The following SLC28A2 variants were observed in gnomAD, a reference collection of about 807,000 sequenced individuals.
SLC28A2 encodes solute carrier family 28 member 2, also known as sodium/nucleoside cotransporter 2.
In SLC28A2, 69 loss-of-function variants were observed where a neutral mutation model predicts 72.9. That is an observed-to-expected ratio of 0.95 (90% confidence interval 0.78 to 1.16). SLC28A2 has a LOEUF of 1.16. SLC28A2 is among the 50% of genes most tolerant of loss of function. The pLI, the probability that SLC28A2 is intolerant of heterozygous loss-of-function variation, is 0.00. For missense variants in SLC28A2, 745 were observed against 791.1 expected (o/e 0.94, Z 0.70); for synonymous variants, 296 against 294.1 (o/e 1.01, Z -0.07).
At chr15:45,271,531 C>T (rs936962442) in intron 15 of SLC28A2, among the ~76,000 whole-genome samples, 4 of 147,670 alleles carry the variant, frequency 2.7e-5, no homozygotes, top group South Asian at 4.3e-4. Flanking sequence ...CACTGCACTC[C>T]GGCATGGGTG....
chr15:45,267,833 A>T (rs1367202144), intron 12 of SLC28A2, 37 bp downstream of exon 12: 1 of 1,612,176 alleles, frequency 6.2e-7, no homozygotes, highest in East Asian at 2.2e-5. Flanking sequence ...GGAGATGGTG[A>T]GCTGTAGTTA....
At chr15:45,264,842 A>T (rs1900283844) in intron 7 of SLC28A2, 74 bp downstream of exon 7, 2 of 934,786 alleles carry the variant, frequency 2.1e-6, no homozygotes, top group Non-Finnish European at 3.5e-6. Context: ...GAGCATGAGA[A>T]GATTAGGCTG....
At position 45,275,777 on chromosome 15, in the gene SLC28A2, T is replaced by C. The variant is rs1595685829; in HGVS notation, c.*264T>C. 4.3e-6 allele frequency: 1 copy of C among 235,074 alleles called. No homozygotes were observed. The highest frequency in any genetic ancestry group is 9.5e-5 in the East Asian group (1 of 10,496). The allele number at this position is 235,074 out of a possible 1,614,324, so 14.6% of individuals were successfully genotyped here. On this transcript the variant is annotated 3_prime_UTR_variant, in exon 18 of 18. Coordinates refer to ENST00000347644, the MANE Select transcript of SLC28A2 (RefSeq NM_004212.4). Reference sequence around the variant, plus strand: ...AGTGAAACCCCGTCTCTACTAAAAATACAAAAAATTAGCCGGGAGTGGTGT... The same window carrying C: ...AGTGAAACCCCGTCTCTACTAAAAACACAAAAAATTAGCCGGGAGTGGTGT...
At chr15:45,272,481 A>G in intron 16 of SLC28A2, 88 bp downstream of exon 16, 2 of 1,049,750 alleles carry the variant, frequency 1.9e-6, no homozygotes, top group Non-Finnish European at 2.9e-6. Flanking sequence ...GTCCTTGAGT[A>G]CAGGGGCAAC....
In SLC28A2 at chr15:45,276,510, A is replaced by G; in HGVS notation, c.*997A>G. 8.1e-6 allele frequency: 1 copy of G among 124,186 alleles called. No individual in the cohort carries two copies. Among genetic ancestry groups the G allele is most frequent in the East Asian group, 2.3e-4 (1 of 4,346 alleles). 7.7% of individuals were successfully genotyped at this position (124,186 alleles called of 1,614,324 possible). A position where few individuals can be genotyped will look rare whatever the true frequency, so the allele number is the denominator to read the frequency against. On this transcript the variant is annotated 3_prime_UTR_variant, in exon 18 of 18. Transcript: ENST00000347644. ...ATAATAAAAGAAAAAACTTCATAAA[A>G]TAAAGTGAAGCACCCACCAAAAAAT...
In SLC28A2 at chr15:45,270,828, G is replaced by A. The variant is rs555062294; in HGVS notation, c.1648+552G>A. Among the ~76,000 whole-genome samples the A allele has an allele frequency of 2.2e-4, 33 of 152,080 alleles. No homozygotes were observed. The South Asian group carries it at 6.2e-3, about 29-fold the overall frequency. On this transcript the variant is annotated intron_variant, in intron 15 of 17. Transcript: ENST00000347644. ...TTTTTTTGTATTTTTAGAAGAGACGGGGTTTCACCATGTTGGCCAAGCTGG... is the reference window on the plus strand; with the variant it reads ...TTTTTTTGTATTTTTAGAAGAGACGAGGTTTCACCATGTTGGCCAAGCTGG...
intron 15 of SLC28A2, among the ~76,000 whole-genome samples, chr15:45,271,577 AAAGGAAGGAAGGAAGG>A (rs145309707): frequency 1.5e-5 from 2 of 130,278 alleles, no homozygotes; most frequent in South Asian, 2.7e-4. Flanking sequence ...AAAAAGAAGA[AAAGGAAGGAAGGAAGG>A]AAGGAAGGAA....
In SLC28A2 at chr15:45,276,442, G is replaced by A. The variant is rs1196803018; in HGVS notation, c.*929G>A. On this transcript the variant is annotated 3_prime_UTR_variant, in exon 18 of 18. Transcript: ENST00000347644. ...ACATGTATACATATGTAACTAACCT[G>A]CATATTGTGCACATGTACCCTAAAA... 6.6e-6 allele frequency: 1 copy of A among 151,418 alleles called. No homozygotes were observed. Among genetic ancestry groups the A allele is most frequent in the Non-Finnish European group, 1.5e-5 (1 of 67,928 alleles). 9.4% of individuals were successfully genotyped at this position (151,418 alleles called of 1,614,324 possible). A position where few individuals can be genotyped will look rare whatever the true frequency, so the allele number is the denominator to read the frequency against.
chr15:45,259,550 C>G (rs536325266), intron 3 of SLC28A2, among the ~76,000 whole-genome samples: 15 of 152,274 alleles, frequency 9.9e-5, no homozygotes, highest in African/African-American at 2.9e-4. Context: ...TACTTTCATA[C>G]TTTCTAGCTA....
intron 12 of SLC28A2, 105 bp downstream of exon 12, chr15:45,267,901 C>G: frequency 7.4e-7 from 1 of 1,350,068 alleles, no homozygotes; most frequent in Non-Finnish European, 1.0e-6. Context: ...TAATGTGATT[C>G]CATATTCCTT....
rs1900390837 is a variant in SLC28A2, at chr15:45,267,757, CCAAGTT to C, written c.1165_1170del (p.Phe389_Lys390del). On this transcript the variant is annotated inframe_deletion, in exon 12 of 18. Transcript: ENST00000347644. ...CTAGCGTATCCGGAAGTGGAGGAGT[CCAAGTT>C]CAAGAGTGAGGAGGGGGTAAAGCTG... The C allele has an allele frequency of 2.5e-6, 4 of 1,614,002 alleles. No homozygotes were observed. Among genetic ancestry groups the C allele is most frequent in the Non-Finnish European group, 2.5e-6 (3 of 1,180,000 alleles).
intron 3 of SLC28A2, among the ~76,000 whole-genome samples, chr15:45,257,615 A>C (rs909366412): frequency 2.0e-5 from 3 of 151,936 alleles, no homozygotes; most frequent in African/African-American, 7.3e-5. Flanking sequence ...TTAAGTATTT[A>C]TTTCTTTTTC....
At chr15:45,263,858 T>C (rs1163855612) in intron 5 of SLC28A2, 23 bp from the exon 6 acceptor site, 2 of 1,590,288 alleles carry the variant, frequency 1.3e-6, no homozygotes, top group Non-Finnish European at 1.7e-6. Flanking sequence ...GTTGATGACA[T>C]GGTCTTGGCA....
Position 45,263,179 on chromosome 15 carries a change from G to A in SLC28A2, c.381G>A (p.Leu127=), listed in dbSNP as rs775334240. ...VLVHSFLKKL[L]GKKLTRCLKP... is the part of the protein sequence containing the mutation. Reference sequence around the variant, plus strand: ...TTCACTCGTTTTTGAAAAAGCTCCTGGGCAAAAAATTAACAAGATGTCTGA... The same window carrying A: ...TTCACTCGTTTTTGAAAAAGCTCCTAGGCAAAAAATTAACAAGATGTCTGA... Residue 127 remains leucine, a synonymous_variant, in exon 5 of 18, where the codon CTG becomes CTA. Coordinates refer to ENST00000347644, the MANE Select transcript of SLC28A2 (RefSeq NM_004212.4). 1 of 1,613,940 alleles carries A rather than the reference G, an allele frequency of 6.2e-7. No homozygotes were observed. The highest frequency in any genetic ancestry group is 1.1e-5 in the South Asian group (1 of 91,078).
At chr15:45,273,500 T>C (rs1900654911) in intron 17 of SLC28A2, among the ~76,000 whole-genome samples, 1 of 152,270 alleles carries the variant, frequency 6.6e-6, no homozygotes, top group East Asian at 1.9e-4. Flanking sequence ...TGGTGATATA[T>C]GCGTGAGTGA....
At chr15:45,259,304 T>C (rs895252194) in intron 3 of SLC28A2, among the ~76,000 whole-genome samples, 2 of 152,204 alleles carry the variant, frequency 1.3e-5, no homozygotes, top group African/African-American at 2.4e-5. Context: ...CATCATGTTG[T>C]ATACCATAAA....
chr15:45,265,843 GAGAGA>G (rs1900316695), intron 9 of SLC28A2, among the ~76,000 whole-genome samples, 180 bp downstream of exon 9: 1 of 152,212 alleles, frequency 6.6e-6, no homozygotes. Context: ...GGGCAGAGCA[GAGAGA>G]AGATGAGCTG....
At position 45,270,243 on chromosome 15, in the gene SLC28A2, C is replaced by T. The variant is rs751876429; in HGVS notation, c.1615C>T (p.Leu539Phe). The T allele has an allele frequency of 8.7e-6, 14 of 1,613,706 alleles. No homozygotes were observed. In the South Asian group the frequency reaches 1.4e-4, roughly 16 times the overall value. Residue 539 changes from leucine (L) to phenylalanine (F), a missense_variant, in exon 15 of 18, where the codon CTT becomes TTT. Transcript: ENST00000347644. ...ATTTTCACTCTGTGGATTTGCCAAT[C>T]TTAGTTCCATAGGAATCACACTTGG... Reference protein sequence around the residue: ...TTFSLCGFANLSSIGITLGGL... With the variant: ...TTFSLCGFANFSSIGITLGGL...
chr15:45,268,529 G>C, intron 13 of SLC28A2, 151 bp downstream of exon 13: 1 of 617,950 alleles, frequency 1.6e-6, no homozygotes, highest in Non-Finnish European at 2.8e-6. Flanking sequence ...AGGTGCTGGA[G>C]AGGATGTGGA....
Sources: gnomAD v4.1 joint callset for allele counts (sites outside exome capture counted in the v4.1 genomes callset) on GRCh38, gnomAD v4.1.1 for gene constraint, MANE v1.5 for transcripts, NCBI Gene and HGNC (gene_info 2026-07-23, HGNC 2026-07-21) for gene names.